METTL3: variants seen among roughly 807,000 people sequenced by gnomAD.
METTL3 encodes N(6)-adenosine-methyltransferase catalytic subunit METTL3.
METTL3 carries 42 observed loss-of-function variants against 64.3 expected under a neutral mutation model. The observed-to-expected ratio is 0.65, with a 90% CI of 0.51 to 0.84. The LOEUF is 0.84. METTL3 is among the 40% of genes least tolerant of loss of function. The probability of loss-of-function intolerance (pLI) is 0.00; values close to 1 mark genes in which losing one functional copy is unlikely to be tolerated. For synonymous variants in METTL3, 256 were observed against 263.6 expected, an observed-to-expected ratio of 0.97 and a Z score of 0.28; for missense variants, 435 against 722.3, an observed-to-expected ratio of 0.60 and a Z score of 4.56.
intron 1 of METTL3, among the ~76,000 whole-genome samples, chr14:21,505,332 AAAG>A (rs1307468360): frequency 1.3e-5 from 2 of 152,214 alleles, no homozygotes; most frequent in Admixed American, 1.3e-4. Context: ...AAATCTATAA[AAAG>A]AACCATGTTA....
Position 21,499,753 on chromosome 14 carries a change from C to G in METTL3, c.1343+11G>C. ...TTACCCTCAAAAGAAAGCAACACAA[C>G]CACTACTTACCCCCAGAGGTTTAGA... is the stretch of plus-strand genomic sequence containing the variant. On this transcript the variant is annotated intron_variant, in intron 7 of 10. Transcript: ENST00000298717. 1 of 1,612,396 alleles carries G rather than the reference C, an allele frequency of 6.2e-7. No individual in the cohort carries two copies. Among genetic ancestry groups the G allele is most frequent in the Non-Finnish European group, 8.5e-7 (1 of 1,178,524 alleles).
At chr14:21,511,095 G>A (rs1891825065) in intron 1 of METTL3, 29 bp downstream of exon 1, 1 of 1,610,194 alleles carries the variant, frequency 6.2e-7, no homozygotes, top group African/African-American at 1.3e-5. Context: ...CCCCGGTTGA[G>A]CCTCGGCCCC....
chr14:21,498,983 TA>T, intron 10 of METTL3, 41 bp downstream of exon 10: 1 of 1,355,412 alleles, frequency 7.4e-7, no homozygotes, highest in Non-Finnish European at 1.1e-6. Context: ...TAATCATAAA[TA>T]ATAGCCCCTT....
At position 21,500,900 on chromosome 14, in the gene METTL3, A is replaced by C; in HGVS notation, c.1116+13T>G. ...TCCGTAAGTTGAGACGAGTTTTCTG[A>C]GCAGACAGGTACCTGAGGTGGGAAG... On this transcript the variant is annotated intron_variant, in intron 5 of 10. Coordinates refer to ENST00000298717, the MANE Select transcript of METTL3 (RefSeq NM_019852.5). 1.2e-6 allele frequency: 2 copies of C among 1,609,250 alleles called. No individual in the cohort carries two copies. The highest frequency in any genetic ancestry group is 1.7e-6 in the Non-Finnish European group (2 of 1,176,516).
At chr14:21,501,566 A>T in intron 4 of METTL3, 162 bp downstream of exon 4, 1 of 872,408 alleles carries the variant, frequency 1.1e-6, no homozygotes, top group Non-Finnish European at 1.7e-6. Context: ...TATTCTTCCC[A>T]CACAATGCAC....
Position 21,500,677 on chromosome 14 carries a change from G to C in METTL3, c.1122C>G (p.Ile374Met), listed in dbSNP as rs1773717039. Residue 374 changes from isoleucine (I) to methionine (M), a missense_variant, in exon 6 of 11, where the codon ATC becomes ATG. Physicochemically the swap from Ile to Met is conservative, Grantham distance 10. Coordinates refer to ENST00000298717, the MANE Select transcript of METTL3 (RefSeq NM_019852.5). ...SADRLFPPQWICCDIRYLDVS... is the reference protein window; with the variant it reads ...SADRLFPPQWMCCDIRYLDVS... ...CGTCCAGGTAGCGGATATCACAACA[G>C]ATCCACTGCATAAAGTGGTATTTGG... 1 of 1,612,398 alleles carries C rather than the reference G, an allele frequency of 6.2e-7. No individual in the cohort carries two copies. The highest frequency in any genetic ancestry group is 1.7e-5 in the Admixed American group (1 of 59,922).
intron 1 of METTL3, among the ~76,000 whole-genome samples, chr14:21,508,516 T>G (rs771221107): frequency 6.6e-6 from 1 of 152,098 alleles, no homozygotes; most frequent in Non-Finnish European, 1.5e-5. Context: ...GTTAATGTCA[T>G]AGAAAAATGA....
chr14:21,498,569 A>T lies in METTL3; in HGVS notation c.1632-200T>A, dbSNP rs2139637311. ...AGATTCTGGTGTTAAAATAGACTGGATCTGTATTATCTGAGGGTTAGTAAC... is the reference window on the plus strand; with the variant it reads ...AGATTCTGGTGTTAAAATAGACTGGTTCTGTATTATCTGAGGGTTAGTAAC... On this transcript the variant is annotated intron_variant, in intron 10 of 10. Transcript: ENST00000298717. The T allele has an allele frequency of 5.1e-6, 3 of 593,244 alleles. No individual in the cohort carries two copies. In the East Asian group the frequency reaches 8.5e-5, roughly 17 times the overall value. 36.7% of individuals were successfully genotyped at this position (593,244 alleles called of 1,614,324 possible). A position where few individuals can be genotyped will look rare whatever the true frequency, so the allele number is the denominator to read the frequency against.
Position 21,499,411 on chromosome 14 carries a change from C to T in METTL3, c.1453-40G>A, listed in dbSNP as rs181527844. 5.2e-5 allele frequency: 84 copies of T among 1,613,090 alleles called. 1 individual carries two copies. Among genetic ancestry groups the T allele is most frequent in the African/African-American group, 5.2e-4 (39 of 75,008 alleles). ...TAACAGATTACCTTATGAAACCACACCTTTGAACTTTTTCTCAGTAAGAAA... is the reference window on the plus strand; with the variant it reads ...TAACAGATTACCTTATGAAACCACATCTTTGAACTTTTTCTCAGTAAGAAA... On this transcript the variant is annotated intron_variant, in intron 8 of 10. Transcript: ENST00000298717.
Position 21,499,814 on chromosome 14 carries a change from T to C in METTL3, c.1305-12A>G, listed in dbSNP as rs746285761. The C allele has an allele frequency of 1.2e-6, 2 of 1,611,700 alleles. No individual in the cohort carries two copies. Among genetic ancestry groups the C allele is most frequent in the Non-Finnish European group, 1.7e-6 (2 of 1,178,244 alleles). On this transcript the variant is annotated splice_polypyrimidine_tract_variant and intron_variant, in intron 6 of 10. Coordinates refer to ENST00000298717, the MANE Select transcript of METTL3 (RefSeq NM_019852.5). ...CCAACTCCATGGCCCTAGAAAGAAA[T>C]GAGTTAAACAACTATTTGTATGCCC...
intron 1 of METTL3, 110 bp downstream of exon 1, chr14:21,511,014 C>G: frequency 5.4e-6 from 7 of 1,294,058 alleles, no homozygotes; most frequent in Non-Finnish European, 7.3e-6. Context: ...ATGTACGAGG[C>G]TTTATAGAAA....
Position 21,503,258 on chromosome 14 carries a change from G to C in METTL3, c.638C>G (p.Ser213Ter). 1 of 1,614,190 alleles carries C rather than the reference G, an allele frequency of 6.2e-7. No individual in the cohort carries two copies. Among genetic ancestry groups the C allele is most frequent in the Non-Finnish European group, 8.5e-7 (1 of 1,180,028 alleles). Residue 213 changes from serine to a stop codon, truncating the protein, a stop_gained, in exon 3 of 11, where the codon TCA becomes TGA. Transcript: ENST00000298717. LOFTEE classifies it high-confidence loss of function. ...SEPAKEPAKK[S>*]RKHAASDVDL... The stretch of plus-strand genomic sequence containing the variant: ...AACATCTGAGGCAGCATGTTTCCTT[G>C]ATTTCTTGGCTGGCTCCTTTGCTGG...
intron 10 of METTL3, 125 bp from the exon 11 acceptor site, chr14:21,498,494 G>T: frequency 2.3e-6 from 2 of 859,522 alleles, no homozygotes; most frequent in Non-Finnish European, 3.6e-6. Context: ...TCTAAAAAGA[G>T]CTTAACATTA....
chr14:21,501,544 G>T, intron 4 of METTL3, 184 bp downstream of exon 4: 2 of 725,000 alleles, frequency 2.8e-6, no homozygotes, highest in Non-Finnish European at 4.4e-6. Context: ...AGTTATTTGG[G>T]AGTACAGCCT....
chr14:21,510,942 G>T, intron 1 of METTL3, 182 bp downstream of exon 1: 1 of 650,086 alleles, frequency 1.5e-6, no homozygotes, highest in Non-Finnish European at 2.5e-6. Flanking sequence ...AGCGTGAGGA[G>T]GAACCGCGAA....
rs1891453939 is a variant in METTL3 at position 21,498,195 on chromosome 14, C to G, written c.*63G>C. ...AAGAAGAAAGCTATTGTACAAATAT[C>G]ACTCTTCAGGTTTAGCTTACAGAGC... On this transcript the variant is annotated 3_prime_UTR_variant, in exon 11 of 11. Coordinates refer to ENST00000298717, the MANE Select transcript of METTL3 (RefSeq NM_019852.5). 1.1e-6 allele frequency: 1 copy of G among 934,794 alleles called. No homozygotes were observed. Among genetic ancestry groups the G allele is most frequent in the Non-Finnish European group, 1.7e-6 (1 of 572,720 alleles). 57.9% of individuals were successfully genotyped at this position (934,794 alleles called of 1,614,324 possible).
chr14:21,499,921 A>T, intron 6 of METTL3, 119 bp from the exon 7 acceptor site: 1 of 864,208 alleles, frequency 1.2e-6, no homozygotes. Context: ...GAACATTTAC[A>T]TGCACACCAC....
intron 2 of METTL3, 35 bp downstream of exon 2, chr14:21,503,629 A>G: frequency 4.3e-6 from 7 of 1,613,804 alleles, no homozygotes; most frequent in Non-Finnish European, 5.9e-6. Context: ...TGAACTGAAA[A>G]TAAGTGGTAA....
chr14:21,500,751 T>C, intron 5 of METTL3, 69 bp from the exon 6 acceptor site: 1 of 1,520,908 alleles, frequency 6.6e-7, no homozygotes, highest in Non-Finnish European at 8.9e-7. Flanking sequence ...GTCCCTCTTT[T>C]CCATTTGATT....
Sources: gnomAD v4.1 joint callset for allele counts (sites outside exome capture counted in the v4.1 genomes callset) on GRCh38, gnomAD v4.1.1 for gene constraint, MANE v1.5 for transcripts, NCBI Gene and HGNC (gene_info 2026-07-23, HGNC 2026-07-21) for gene names.